The following APOB variants were observed in gnomAD, a reference collection of about 807,000 sequenced individuals.
The protein encoded by APOB is apolipoprotein B-100.
Under a neutral mutation model 314.1 loss-of-function variants are expected in APOB, and 153 were observed. The observed-to-expected ratio is 0.49, with a 90% CI of 0.43 to 0.56. The LOEUF is 0.56. Ranked by LOEUF, APOB falls within the 20% of genes least tolerant of loss-of-function variation. The pLI is 0.00. For missense variants in APOB, 5,430 were observed against 5,350.7 expected (o/e 1.01, Z -0.46); for synonymous variants, 2,087 against 2,036.4 (o/e 1.02, Z -0.67).
intron 10 of APOB, among the ~76,000 whole-genome samples, chr2:21,030,262 C>T (rs1432268532): frequency 2.6e-5 from 4 of 152,136 alleles, no homozygotes; most frequent in African/African-American, 9.7e-5. Context: ...ACACATAGAT[C>T]AATGGAACAG....
chr2:21,019,803 C>T lies in APOB; in HGVS notation c.2919G>A (p.Leu973=). 6.2e-7 allele frequency: 1 copy of T among 1,614,144 alleles called. No homozygotes were observed. The highest frequency in any genetic ancestry group is 8.5e-7 in the Non-Finnish European group (1 of 1,180,030). Residue 973 remains leucine (L), a synonymous_variant, in exon 19 of 29, where the codon CTG becomes CTA. Transcript: ENST00000233242. ...WSVCKQVFPG[L]NYCTSGAYSN... ...AGTAAGCGCCTGAGGTGCAGTAATT[C>T]AGGCCAGGAAAGACTTGCTTGCAAA...
At chr2:21,024,072 A>AT (rs1039205372) in intron 16 of APOB, 1 of 161,008 alleles carries the variant, frequency 6.2e-6, no homozygotes, top group African/African-American at 2.4e-5. Context: ...GATAAAATCA[A>AT]TTTTTTGAAA....
At position 21,023,593 on chromosome 2, in the gene APOB, A is replaced by G; in HGVS notation, c.2536T>C (p.Leu846=). 12 of 1,614,224 alleles carry G rather than the reference A, an allele frequency of 7.4e-6. No homozygotes were observed. The highest frequency in any genetic ancestry group is 1.0e-5 in the Non-Finnish European group (12 of 1,180,020). Residue 846 remains leucine, a synonymous_variant, in exon 17 of 29, where the codon TTG becomes CTG. Transcript: ENST00000233242. ...ATGACTCCAGATGAAGATATTTGCA[A>G]CTGTAATCCAGCTCCAGTGGGGAGT... is the stretch of plus-strand genomic sequence containing the variant. ...FELPTGAGLQ[L]QISSSGVIAP...
rs753112806 is a variant in APOB at position 21,032,498 on chromosome 2, G to A, written c.1208C>T (p.Ala403Val). ...HILQWLKRVH[A>V]NPLLIDVVTY... The stretch of plus-strand genomic sequence containing the variant: ...GACCACATCTATCAGAAGGGGGTTG[G>A]CATGCACACGTTTCAGCCACTGGAG... Residue 403 changes from alanine to valine, a missense_variant, in exon 10 of 29, where the codon GCC becomes GTC. Around this residue, in one of 3 missense-constraint regions of APOB, gnomAD observed 2,085 missense variants for 2,079.7 expected, o/e 1.00. Coordinates refer to ENST00000233242, the MANE Select transcript of APOB (RefSeq NM_000384.3). 17 of 1,614,202 alleles carry A rather than the reference G, an allele frequency of 1.1e-5. No individual in the cohort carries two copies. In the South Asian group the frequency reaches 1.4e-4, roughly 14 times the overall value.
At position 21,009,020 on chromosome 2, in the gene APOB, A is replaced by G. The variant is rs1271253414; in HGVS notation, c.7848T>C (p.Asp2616=). 1 of 1,614,080 alleles carries G rather than the reference A, an allele frequency of 6.2e-7. No homozygotes were observed. The highest frequency in any genetic ancestry group is 2.2e-5 in the East Asian group (1 of 44,880). Residue 2616 remains aspartate (D), a synonymous_variant, in exon 26 of 29, where the codon GAT becomes GAC. Transcript: ENST00000233242. ...TCAAATCTGTTAGGGGGACTATAAA[A>G]TCAGGTGTCTGGAAGGTAGCTTTCT... The part of the protein sequence containing the change: ...ALQKATFQTP[D]FIVPLTDLRI...
At position 21,011,504 on chromosome 2, in the gene APOB, T is replaced by G; in HGVS notation, c.5364A>C (p.Leu1788=). The change falls in exon 26 of 29, where the codon CTA becomes CTC. Residue 1788 remains leucine, a synonymous_variant. Coordinates refer to ENST00000233242, the MANE Select transcript of APOB (RefSeq NM_000384.3). ...KFYKQTVNLQ[L]QPYSLVTTLN... is the part of the protein sequence containing the mutation. ...AAGTAGTTACCAGAGAATAGGGCTG[T>G]AGCTGTAAATTAACAGTTTGCTTAT... 6.2e-7 allele frequency: 1 copy of G among 1,614,206 alleles called. No individual in the cohort carries two copies. The highest frequency in any genetic ancestry group is 8.5e-7 in the Non-Finnish European group (1 of 1,180,018).
chr2:21,036,985 A>G, intron 6 of APOB, 115 bp downstream of exon 6: 3 of 1,358,050 alleles, frequency 2.2e-6, no homozygotes, highest in Non-Finnish European at 3.1e-6. Flanking sequence ...TAGTCTGTAT[A>G]AAAAACAGCC....
At chr2:21,033,583 G>A in intron 8 of APOB, 65 bp from the exon 9 acceptor site, 3 of 1,382,842 alleles carry the variant, frequency 2.2e-6, no homozygotes, top group Admixed American at 1.7e-5. Flanking sequence ...TTTGTCTACT[G>A]GAAGCTGGAA....
rs571625076 is a variant in APOB at position 21,016,856 on chromosome 2, T to C, written c.3122-207A>G. On this transcript the variant is annotated intron_variant, in intron 20 of 28. Coordinates refer to ENST00000233242, the MANE Select transcript of APOB (RefSeq NM_000384.3). ...AAAATTAGCCGGGCGCGTTGGTGGG[T>C]GCCTGTAGTCCCAGCTACTCAGGAG... Among the ~76,000 whole-genome samples, 887 of 151,842 alleles carry C rather than the reference T, an allele frequency of 5.8e-3. 7 individuals carry two copies. The highest frequency in any genetic ancestry group is 0.015 in the African/African-American group (606 of 41,364).
intron 22 of APOB, 28 bp downstream of exon 22, chr2:21,015,342 G>A (rs1663440011): frequency 6.2e-7 from 1 of 1,613,988 alleles, no homozygotes; most frequent in East Asian, 2.2e-5. Context: ...TACTTTGGAA[G>A]TGCTCACACA....
intron 22 of APOB, 51 bp downstream of exon 22, chr2:21,015,319 T>TCAA (rs748105956): frequency 4.2e-5 from 67 of 1,613,170 alleles, no homozygotes; most frequent in Middle Eastern, 1.6e-4. Flanking sequence ...ACCACAGGTC[T>TCAA]CAACACCTGC....
At chr2:21,023,087 G>A in intron 17 of APOB, 45 bp from the exon 18 acceptor site, 1 of 1,549,976 alleles carries the variant, frequency 6.5e-7, no homozygotes, top group Non-Finnish European at 8.9e-7. Context: ...AAATACTTCA[G>A]TCCCCTGTCA....
At chr2:21,040,006 C>T (rs767770889) in intron 4 of APOB, among the ~76,000 whole-genome samples, 42 of 152,170 alleles carry the variant, frequency 2.8e-4, no homozygotes, top group African/African-American at 9.7e-4. Flanking sequence ...ATAATTCCCA[C>T]GTGTTGTGGG....
At chr2:21,031,796 G>T (rs1663887513) in intron 10 of APOB, among the ~76,000 whole-genome samples, 1 of 151,984 alleles carries the variant, frequency 6.6e-6, no homozygotes. Flanking sequence ...GCTTCAGTGA[G>T]CCGTGACTGC....
intron 2 of APOB, among the ~76,000 whole-genome samples, chr2:21,042,866 C>T (rs939557570): frequency 6.6e-6 from 1 of 151,752 alleles, no homozygotes; most frequent in African/African-American, 2.4e-5. Context: ...CTAAGACTAC[C>T]AAATACTTAA....
At chr2:21,035,822 G>T in intron 6 of APOB, 114 bp from the exon 7 acceptor site, 1 of 1,093,002 alleles carries the variant, frequency 9.1e-7, no homozygotes, top group South Asian at 1.3e-5. Context: ...TAAACTCAGA[G>T]AAAGAAGATA....
chr2:21,041,185 G>T, intron 3 of APOB, 102 bp from the exon 4 acceptor site: 1 of 1,278,680 alleles, frequency 7.8e-7, no homozygotes, highest in Non-Finnish European at 1.1e-6. Context: ...CAAAGGGAAT[G>T]GTGCTGGGAA....
At chr2:21,033,179 C>T (rs1005415933) in intron 9 of APOB, 120 bp downstream of exon 9, 1 of 770,774 alleles carries the variant, frequency 1.3e-6, no homozygotes, top group African/African-American at 1.7e-5. Flanking sequence ...AACTGATTGA[C>T]TAATTGATTA....
rs1572780284 is a variant in APOB, at chr2:21,007,817, A to C, written c.9051T>G (p.Phe3017Leu). The C allele has an allele frequency of 6.2e-7, 1 of 1,614,114 alleles. No homozygotes were observed. Among genetic ancestry groups the C allele is most frequent in the Non-Finnish European group, 8.5e-7 (1 of 1,179,968 alleles). ...MALFGEGKAE[F>L]TGRHDAHLNG... ...TTAAATGAGCATCATGCCTCCCAGT[A>C]AACTCTGCCTTCCCTTCTCCAAACA... The change falls in exon 26 of 29, where the codon TTT (phenylalanine) becomes TTG (leucine). Residue 3017 changes from phenylalanine (F) to leucine (L), a missense_variant. Transcript: ENST00000233242.
Sources: allele counts gnomAD v4.1 joint callset (sites outside exome capture counted in the v4.1 genomes callset), GRCh38; gene constraint gnomAD v4.1.1; regional missense constraint gnomAD v4.1.1; transcripts MANE v1.5; gene names NCBI Gene and HGNC (gene_info 2026-07-23, HGNC 2026-07-21).